STK32B: variants seen among roughly 807,000 people sequenced by gnomAD.
STK32B encodes the protein serine/threonine-protein kinase 32B.
STK32B carries 43 observed loss-of-function variants against 52.6 expected under a neutral mutation model. That is an observed-to-expected ratio of 0.82 (90% confidence interval 0.64 to 1.05). STK32B has a LOEUF of 1.05. Among genes scored for constraint, STK32B ranks in the 50% least tolerant of loss-of-function variants. STK32B has a pLI of 0.00. For missense variants in STK32B, 621 were observed against 534.6 expected, an observed-to-expected ratio of 1.16 and a Z score of -1.59; for synonymous variants, 238 against 204.3, an observed-to-expected ratio of 1.17 and a Z score of -1.41.
chr4:5,460,115 G>A lies in STK32B; in HGVS notation c.796G>A (p.Asp266Asn). 10 of 1,614,206 alleles carry A rather than the reference G, an allele frequency of 6.2e-6. No individual in the cohort carries two copies. Among genetic ancestry groups the A allele is most frequent in the African/African-American group, 1.3e-5 (1 of 75,048 alleles). Residue 266 changes from aspartate (D) to asparagine (N), a missense_variant, in exon 9 of 12, where the codon GAT becomes AAT. Coordinates refer to ENST00000282908, the MANE Select transcript of STK32B (RefSeq NM_018401.3). This position sits in a 1 kb window ranked among gnomAD's most constrained non-coding sequence, Gnocchi z 4.8. Reference sequence around the variant, plus strand: ...CCTCTAACTGCAGCTCCTGACCAAGGATCCTGAGAGCCGCGTGTCCAGCCT... The same window carrying A: ...CCTCTAACTGCAGCTCCTGACCAAGAATCCTGAGAGCCGCGTGTCCAGCCT... ...VALLRKLLTK[D>N]PESRVSSLHD... is the part of the protein sequence containing the mutation.
At chr4:5,080,998 T>C (rs1273515543) in intron 1 of STK32B, among the ~76,000 whole-genome samples, 3 of 152,310 alleles carry the variant, frequency 2.0e-5, no homozygotes, top group East Asian at 3.9e-4. Context: ...ACTGTCTGTT[T>C]TTGTGAGTTT....
intron 1 of STK32B, among the ~76,000 whole-genome samples, chr4:5,093,044 A>G: frequency 6.6e-6 from 1 of 152,236 alleles, no homozygotes; most frequent in Admixed American, 6.5e-5. Flanking sequence ...GTCCACTTAT[A>G]TGTAGGTATT....
intron 4 of STK32B, among the ~76,000 whole-genome samples, chr4:5,393,544 G>A (rs576688415): frequency 8.5e-5 from 13 of 152,250 alleles, no homozygotes; most frequent in South Asian, 4.1e-4. Flanking sequence ...GGAAACTTAC[G>A]ATGGTGGCAA....
intron 2 of STK32B, among the ~76,000 whole-genome samples, chr4:5,147,937 T>G (rs554351026): frequency 6.6e-6 from 1 of 151,978 alleles, no homozygotes; most frequent in African/African-American, 2.4e-5. Flanking sequence ...TCAGTCATTT[T>G]CCTTCTCTGT....
At chr4:5,319,762 C>G (rs774349411) in intron 3 of STK32B, among the ~76,000 whole-genome samples, 10 of 152,144 alleles carry the variant, frequency 6.6e-5, no homozygotes, top group Non-Finnish European at 1.3e-4. Context: ...TATGAAATGT[C>G]TTCTCAGAAT....
At chr4:5,332,902 A>C (rs1732372136) in intron 4 of STK32B, among the ~76,000 whole-genome samples, 1 of 152,106 alleles carries the variant, frequency 6.6e-6, no homozygotes, top group Non-Finnish European at 1.5e-5. Context: ...TCATTGTTGG[A>C]CATTTGGGTT....
intron 1 of STK32B, among the ~76,000 whole-genome samples, chr4:5,072,096 T>G (rs1219744659): frequency 6.6e-6 from 1 of 152,178 alleles, no homozygotes; most frequent in Non-Finnish European, 1.5e-5. Flanking sequence ...TATAAATTTA[T>G]GGCTGAAACC....
intron 4 of STK32B, among the ~76,000 whole-genome samples, chr4:5,354,254 T>C (rs572009417): frequency 2.0e-5 from 3 of 151,722 alleles, no homozygotes. Context: ...TTGCAGGGGG[T>C]GAAGAAAAAT....
At chr4:5,249,858 C>G (rs1381863301) in intron 3 of STK32B, among the ~76,000 whole-genome samples, 1 of 152,116 alleles carries the variant, frequency 6.6e-6, no homozygotes, top group Non-Finnish European at 1.5e-5. Flanking sequence ...ATTATTTCAT[C>G]ACCTATGTAA....
intron 1 of STK32B, among the ~76,000 whole-genome samples, chr4:5,053,410 A>C (rs1029903371): frequency 9.9e-5 from 15 of 152,150 alleles, no homozygotes; most frequent in African/African-American, 3.6e-4. Context: ...TTTGAACACT[A>C]TGCAGCATCA....
chr4:5,157,498 C>T (rs1045700835), intron 2 of STK32B, among the ~76,000 whole-genome samples: 1 of 152,120 alleles, frequency 6.6e-6, no homozygotes, highest in Non-Finnish European at 1.5e-5. Flanking sequence ...GAGACAGCCT[C>T]TCCGAGAGGA....
At chr4:5,208,274 G>A (rs73208979) in intron 3 of STK32B, among the ~76,000 whole-genome samples, 32 of 152,254 alleles carry the variant, frequency 2.1e-4, no homozygotes, top group African/African-American at 6.7e-4. Context: ...CAGCCACAGG[G>A]AGTCAGAAAA....
chr4:5,293,562 C>T (rs1386446133), intron 3 of STK32B, among the ~76,000 whole-genome samples: 1 of 151,594 alleles, frequency 6.6e-6, no homozygotes, highest in Non-Finnish European at 1.5e-5. Context: ...TTTTTTCATA[C>T]ATTTGTGGCC....
chr4:5,371,594 G>A (rs1345721513), intron 4 of STK32B, among the ~76,000 whole-genome samples: 1 of 152,178 alleles, frequency 6.6e-6, no homozygotes, highest in Non-Finnish European at 1.5e-5. Context: ...CGGCTGAAGG[G>A]GAGGTGGGAG....
chr4:5,188,938 A>AC (rs1720962246), intron 3 of STK32B, among the ~76,000 whole-genome samples: 1 of 152,002 alleles, frequency 6.6e-6, no homozygotes, highest in Non-Finnish European at 1.5e-5. Flanking sequence ...AGTGCAGCAA[A>AC]CCAACATGGC....
intron 3 of STK32B, among the ~76,000 whole-genome samples, chr4:5,249,441 ACCTT>A (rs149485895): frequency 0.014 from 1,920 of 136,880 alleles, 26 homozygotes; most frequent in Admixed American, 0.04. Flanking sequence ...CTTCCTACCT[ACCTT>A]CCTTCCTTCC....
chr4:5,322,446 G>A (rs966377628), intron 3 of STK32B, among the ~76,000 whole-genome samples: 2 of 152,100 alleles, frequency 1.3e-5, no homozygotes, highest in African/African-American at 4.8e-5. Context: ...CTGAGGAGAT[G>A]CTCAGCTCAT....
chr4:5,048,296 ATTTTTTTTTT>A (rs934389483), upstream of STK32B, among the ~76,000 whole-genome samples: 3 of 111,864 alleles, frequency 2.7e-5, no homozygotes, highest in African/African-American at 1.1e-4. Flanking sequence ...TGCCTGGCTA[ATTTTTTTTTT>A]TTTTTTTTTT....
chr4:5,493,208 C>G (rs918397925), intron 11 of STK32B, among the ~76,000 whole-genome samples: 10 of 152,066 alleles, frequency 6.6e-5, no homozygotes, highest in Non-Finnish European at 1.2e-4. Flanking sequence ...CCATCTGGTC[C>G]TGGACTCTTT....
Sources: allele counts gnomAD v4.1 joint callset (sites outside exome capture counted in the v4.1 genomes callset), GRCh38; gene constraint gnomAD v4.1.1; non-coding constraint Gnocchi (gnomAD v3.1); transcripts MANE v1.5; gene names NCBI Gene and HGNC (gene_info 2026-07-23, HGNC 2026-07-21).